STK39: variants seen among roughly 807,000 people sequenced by gnomAD.
The protein encoded by STK39 is serine/threonine kinase 39, also known as STE20/SPS1-related proline-alanine-rich protein kinase.
A neutral mutation model predicts 77.8 loss-of-function variants in STK39; 20 were observed. The ratio of observed to expected loss-of-function variants is 0.26; its 90% CI spans 0.18 to 0.37. The LOEUF is 0.37. Among genes scored for constraint, STK39 ranks in the 10% least tolerant of loss-of-function variants. The probability of loss-of-function intolerance (pLI) is 1.00; values close to 1 mark genes in which losing one functional copy is unlikely to be tolerated. For synonymous variants in STK39, 246 were observed against 234.1 expected (o/e 1.05, Z -0.47); for missense variants, 479 against 656.5 (o/e 0.73, Z 2.95).
chr2:168,040,932 A>G (rs1685087921), intron 14 of STK39, among the ~76,000 whole-genome samples: 1 of 152,236 alleles, frequency 6.6e-6, no homozygotes, highest in Non-Finnish European at 1.5e-5. Flanking sequence ...TTTTTAGTAC[A>G]TGGAACTGTT....
chr2:168,023,810 C>A (rs1684632093), intron 14 of STK39, among the ~76,000 whole-genome samples: 1 of 152,164 alleles, frequency 6.6e-6, no homozygotes, highest in Non-Finnish European at 1.5e-5. Context: ...TTTCCCCGAG[C>A]TTTGAGGTTG....
chr2:168,150,164 C>T (rs1688242340), intron 5 of STK39, among the ~76,000 whole-genome samples: 1 of 152,206 alleles, frequency 6.6e-6, no homozygotes, highest in Non-Finnish European at 1.5e-5. Flanking sequence ...TGGCGTGATT[C>T]AGTGGGACTG....
chr2:167,964,623 C>CA, intron 17 of STK39, 39 bp downstream of exon 17: 1 of 1,551,644 alleles, frequency 6.4e-7, no homozygotes, highest in Non-Finnish European at 8.9e-7. Flanking sequence ...CACAGCATGG[C>CA]AAAATATTAC....
chr2:168,207,653 T>C (rs1448824426), intron 1 of STK39, among the ~76,000 whole-genome samples: 2 of 152,202 alleles, frequency 1.3e-5, no homozygotes, highest in East Asian at 1.9e-4. Flanking sequence ...AAAGCTATCA[T>C]GAAAAAATTA....
intron 14 of STK39, among the ~76,000 whole-genome samples, chr2:168,043,383 AAAAT>A (rs1685158187): frequency 6.6e-6 from 1 of 152,222 alleles, no homozygotes; most frequent in Non-Finnish European, 1.5e-5. Flanking sequence ...TTTTAAATTG[AAAAT>A]AAATACAAAC....
At chr2:168,123,872 CA>C (rs60490866) in intron 10 of STK39, among the ~76,000 whole-genome samples, 7,220 of 119,686 alleles carry the variant, frequency 0.06, 323 homozygotes, top group African/African-American at 0.16. Flanking sequence ...GATTCCATCT[CA>C]AAAAAAAAAA....
At chr2:168,156,952 A>C (rs1688444298) in intron 5 of STK39, among the ~76,000 whole-genome samples, 1 of 151,812 alleles carries the variant, frequency 6.6e-6, no homozygotes, top group Non-Finnish European at 1.5e-5. Flanking sequence ...TTAAACCCCT[A>C]CCCTCCCCAT....
At chr2:168,096,989 C>A (rs1445287250) in intron 10 of STK39, among the ~76,000 whole-genome samples, 1 of 152,148 alleles carries the variant, frequency 6.6e-6, no homozygotes, top group Non-Finnish European at 1.5e-5. Flanking sequence ...ATTTACTGTT[C>A]TATGGCCCTT....
At position 168,167,280 on chromosome 2, in the gene STK39, A is replaced by C; in HGVS notation, c.430+19T>G. ...GAGAGAAAACAAGCAAATAAATAACAACAACAAAATCCACTTACCTCCACT... is the reference window on the plus strand; with the variant it reads ...GAGAGAAAACAAGCAAATAAATAACCACAACAAAATCCACTTACCTCCACT... On this transcript the variant is annotated intron_variant, in intron 3 of 17. Transcript: ENST00000355999. The C allele has an allele frequency of 1.2e-6, 2 of 1,601,860 alleles. No individual in the cohort carries two copies. Among genetic ancestry groups the C allele is most frequent in the Non-Finnish European group, 1.7e-6 (2 of 1,169,388 alleles).
At chr2:168,214,629 T>C (rs11897461) in intron 1 of STK39, among the ~76,000 whole-genome samples, 7,441 of 152,294 alleles carry the variant, frequency 0.049, 299 homozygotes, top group East Asian at 0.2. Flanking sequence ...TTATGTTATG[T>C]GGATTACACC....
intron 1 of STK39, among the ~76,000 whole-genome samples, chr2:168,216,089 C>A (rs1412689689): frequency 6.6e-6 from 1 of 152,086 alleles, no homozygotes; most frequent in Non-Finnish European, 1.5e-5. Context: ...TGAGGAGAAA[C>A]CTCACATTGG....
At position 168,242,617 on chromosome 2, in the gene STK39, C is replaced by T. The variant is rs181278022; in HGVS notation, c.208+4611G>A. 2.6e-3 allele frequency among the ~76,000 whole-genome samples: 372 copies of T among 142,602 alleles called. 3 individuals are homozygous for T. The highest frequency in any genetic ancestry group is 9.2e-3 in the African/African-American group (356 of 38,788). The allele number at this position is 142,602 out of a possible 152,430, so 93.6% of individuals were successfully genotyped here. A position where few individuals can be genotyped will look rare whatever the true frequency, so the allele number is the denominator to read the frequency against. The stretch of plus-strand genomic sequence containing the variant: ...TATATAAAGAGGCCAGGCACAGTGG[C>T]TCACGCCTGTAATCCCAACACATTG... On this transcript the variant is annotated intron_variant, in intron 1 of 17. Transcript: ENST00000355999.
rs187309406 is a variant in STK39, at chr2:167,979,442, C to T, written c.1499-14716G>A. On this transcript the variant is annotated intron_variant, in intron 16 of 17. Coordinates refer to ENST00000355999, the MANE Select transcript of STK39 (RefSeq NM_013233.3). ...TTCTCTAATAGAGCATCTTTTCATG[C>T]GCATATTTGGTGAAGTCTTTTTAGG... Among the ~76,000 whole-genome samples, 456 of 152,208 alleles carry T rather than the reference C, an allele frequency of 3.0e-3. 1 individual carries two copies. The highest frequency in any genetic ancestry group is 5.0e-3 in the Non-Finnish European group (337 of 68,000).
chr2:168,203,404 G>A (rs1180987913), intron 1 of STK39, among the ~76,000 whole-genome samples: 2 of 151,806 alleles, frequency 1.3e-5, no homozygotes, highest in Non-Finnish European at 2.9e-5. Context: ...TGCCTAAAAT[G>A]TCCAAGAATC....
chr2:168,209,246 A>G (rs1689820166), intron 1 of STK39, among the ~76,000 whole-genome samples: 1 of 152,224 alleles, frequency 6.6e-6, no homozygotes, highest in Non-Finnish European at 1.5e-5. Flanking sequence ...ATAACTTTTA[A>G]TAAGTTAGAT....
chr2:168,075,961 T>C lies in STK39; in HGVS notation c.1090-730A>G, dbSNP rs538614152. Among the ~76,000 whole-genome samples the C allele has an allele frequency of 2.6e-5, 4 of 152,332 alleles. No homozygotes were observed. In the South Asian group the frequency reaches 8.3e-4, roughly 32 times the overall value. ...GTTTTGAGCTAGGGTAGAGATGTAA[T>C]CCATAGGGCAAGCTTTCCCAAATGT... is the stretch of plus-strand genomic sequence containing the variant. On this transcript the variant is annotated intron_variant, in intron 10 of 17. Transcript: ENST00000355999.
chr2:167,956,630 C>T (rs919842256), intron 17 of STK39, among the ~76,000 whole-genome samples: 1 of 146,016 alleles, frequency 6.8e-6, no homozygotes, highest in Non-Finnish European at 1.5e-5. Flanking sequence ...TAAGTTATTT[C>T]GTTTTTCTTG....
At chr2:168,118,518 C>T (rs61342196) in intron 10 of STK39, among the ~76,000 whole-genome samples, 20,999 of 148,052 alleles carry the variant, frequency 0.14, 1,766 homozygotes, top group East Asian at 0.22. Flanking sequence ...TGGGGATCAG[C>T]AAATTACAAT....
intron 4 of STK39, among the ~76,000 whole-genome samples, chr2:168,163,026 CAA>C (rs11371654): frequency 7.6e-6 from 1 of 132,188 alleles, no homozygotes; most frequent in Non-Finnish European, 1.7e-5. Context: ...GACTCTGTCT[CAA>C]AAAAAAAAAG....
Sources: allele counts gnomAD v4.1 joint callset (sites outside exome capture counted in the v4.1 genomes callset), GRCh38; gene constraint gnomAD v4.1.1; transcripts MANE v1.5; gene names NCBI Gene and HGNC (gene_info 2026-07-23, HGNC 2026-07-21).